Variants in RNLS observed in about 807,000 individuals in gnomAD.
The protein encoded by RNLS is renalase, FAD dependent amine oxidase, also known as renalase.
Under a neutral mutation model 39.8 loss-of-function variants are expected in RNLS, and 39 were observed. That is an observed-to-expected ratio of 0.98 (90% confidence interval 0.76 to 1.28). The LOEUF (loss-of-function observed/expected upper bound fraction) is 1.28. Among genes scored for constraint, RNLS ranks in the 50% most tolerant of loss-of-function variants. RNLS has a pLI of 0.00. For missense variants in RNLS, 410 were observed against 413.3 expected (o/e 0.99, Z 0.07); for synonymous variants, 147 against 150.7 (o/e 0.98, Z 0.18).
At chr10:88,376,061 T>C (rs1850967859) in intron 4 of RNLS, among the ~76,000 whole-genome samples, 1 of 152,118 alleles carries the variant, frequency 6.6e-6, no homozygotes. Context: ...GGTGTTAATC[T>C]GTGGGGTCAT....
chr10:88,494,375 T>C (rs1845051841), intron 4 of RNLS, among the ~76,000 whole-genome samples: 2 of 152,132 alleles, frequency 1.3e-5, no homozygotes, highest in Admixed American at 1.3e-4. Flanking sequence ...CAAGTCTCTC[T>C]TCTGGGCCAG....
intron 4 of RNLS, among the ~76,000 whole-genome samples, chr10:88,512,775 C>T (rs1846201635): frequency 6.6e-6 from 1 of 152,150 alleles, no homozygotes; most frequent in Non-Finnish European, 1.5e-5. Flanking sequence ...CACCTTTGTG[C>T]CTTTTGCTTA....
At chr10:88,443,251 T>C (rs1035678428) in intron 4 of RNLS, among the ~76,000 whole-genome samples, 2 of 152,322 alleles carry the variant, frequency 1.3e-5, no homozygotes, top group East Asian at 3.9e-4. Flanking sequence ...CAGAGTGAGT[T>C]TTCTAAAACT....
At chr10:88,345,158 T>C (rs540010950) in intron 5 of RNLS, among the ~76,000 whole-genome samples, 2 of 152,268 alleles carry the variant, frequency 1.3e-5, no homozygotes, top group African/African-American at 4.8e-5. Flanking sequence ...AAAGATGGAT[T>C]GGTGATTCTG....
intron 4 of RNLS, among the ~76,000 whole-genome samples, chr10:88,514,343 A>C (rs904151775): frequency 3.3e-5 from 5 of 152,018 alleles, no homozygotes; most frequent in African/African-American, 1.2e-4. Context: ...CCATGATCCA[A>C]TCACCTCCTA....
chr10:88,569,927 C>A (rs189073038), intron 4 of RNLS, among the ~76,000 whole-genome samples: 2 of 152,124 alleles, frequency 1.3e-5, no homozygotes, highest in East Asian at 3.8e-4. Context: ...GAATAGATTC[C>A]TTTAAGAAAT....
intron 4 of RNLS, among the ~76,000 whole-genome samples, chr10:88,453,420 A>C (rs1477553088): frequency 1.3e-5 from 2 of 152,168 alleles, no homozygotes; most frequent in Non-Finnish European, 2.9e-5. Context: ...AGGGAACTTT[A>C]AGGAGTTATT....
chr10:88,233,279 C>G, the RNLS span, among the ~76,000 whole-genome samples: 2 of 152,286 alleles, frequency 1.3e-5, no homozygotes, highest in Non-Finnish European at 1.5e-5. Context: ...TCCTCCCCAG[C>G]TGGTTAAGGG....
chr10:88,409,140 T>C (rs894489340), intron 4 of RNLS, among the ~76,000 whole-genome samples: 2 of 152,114 alleles, frequency 1.3e-5, no homozygotes, highest in Non-Finnish European at 2.9e-5. Flanking sequence ...TAGTCATTAG[T>C]TGAATGTGCA....
intron 6 of RNLS, among the ~76,000 whole-genome samples, chr10:88,288,386 G>A (rs1843430535): frequency 6.6e-6 from 1 of 152,062 alleles, no homozygotes; most frequent in East Asian, 1.9e-4. Flanking sequence ...ATAAAGACTC[G>A]ATGAAGTAAA....
chr10:88,372,251 C>G (rs1026147829), intron 4 of RNLS, among the ~76,000 whole-genome samples: 1 of 152,122 alleles, frequency 6.6e-6, no homozygotes, highest in African/African-American at 2.4e-5. Context: ...CCCCTCTCCC[C>G]CTGGCAATCA....
chr10:88,214,400 T>G, the RNLS span, among the ~76,000 whole-genome samples: 2 of 151,412 alleles, frequency 1.3e-5, no homozygotes, highest in Non-Finnish European at 2.9e-5. Flanking sequence ...TCAGGTTTGG[T>G]GTGAAGGAAA....
At chr10:88,503,534 C>T (rs1845618680) in intron 4 of RNLS, among the ~76,000 whole-genome samples, 2 of 152,016 alleles carry the variant, frequency 1.3e-5, no homozygotes, top group South Asian at 4.1e-4. Context: ...AACCTGGAAC[C>T]ATCATTAGAA....
chr10:88,380,825 G>T (rs1423874806), intron 4 of RNLS, among the ~76,000 whole-genome samples: 1 of 152,032 alleles, frequency 6.6e-6, no homozygotes, highest in Non-Finnish European at 1.5e-5. Flanking sequence ...TATTTTACAT[G>T]GTATGGGACA....
At chr10:88,435,646 T>A (rs1384829058) in intron 4 of RNLS, among the ~76,000 whole-genome samples, 1 of 151,806 alleles carries the variant, frequency 6.6e-6, no homozygotes, top group Non-Finnish European at 1.5e-5. Flanking sequence ...AAAAACTATC[T>A]CAATAGATAG....
intron 4 of RNLS, among the ~76,000 whole-genome samples, chr10:88,557,117 T>C (rs74147225): frequency 2.0e-5 from 3 of 152,176 alleles, no homozygotes; most frequent in African/African-American, 4.8e-5. Context: ...TAAAACTGAA[T>C]TTTAATTTCT....
At chr10:88,535,036 G>A (rs191585636) in intron 4 of RNLS, among the ~76,000 whole-genome samples, 2 of 152,010 alleles carry the variant, frequency 1.3e-5, no homozygotes, top group Admixed American at 1.3e-4. Context: ...ATTGTTCATG[G>A]GTTTTTAAAA....
At position 88,336,806 on chromosome 10, in the gene RNLS, T is replaced by G. The variant is rs181238142; in HGVS notation, c.701-22165A>C. ...AGGGTAGGAAGGCAAGAGCTGGGGCTGGGTTGGGCAACTAGGGATAATTTC... is the reference window on the plus strand; with the variant it reads ...AGGGTAGGAAGGCAAGAGCTGGGGCGGGGTTGGGCAACTAGGGATAATTTC... On this transcript the variant is annotated intron_variant, in intron 5 of 6. Coordinates refer to ENST00000331772, the MANE Select transcript of RNLS (RefSeq NM_001031709.3). Among the ~76,000 whole-genome samples the G allele has an allele frequency of 6.4e-3, 982 of 152,300 alleles. 13 individuals are homozygous for G. The highest frequency in any genetic ancestry group is 0.021 in the African/African-American group (890 of 41,574).
At chr10:88,240,780 C>A in the RNLS span, among the ~76,000 whole-genome samples, 135 of 152,118 alleles carry the variant, frequency 8.9e-4, no homozygotes, top group Middle Eastern at 3.4e-3. Context: ...TTCCCTTAGC[C>A]TCTACTCTCT....
Sources: allele counts gnomAD v4.1 joint callset (sites outside exome capture counted in the v4.1 genomes callset), GRCh38; gene constraint gnomAD v4.1.1; transcripts MANE v1.5; gene names NCBI Gene and HGNC (gene_info 2026-07-23, HGNC 2026-07-21).